The following TM7SF3 variants were observed in gnomAD, a reference collection of about 807,000 sequenced individuals.
TM7SF3 encodes transmembrane 7 superfamily member 3.
Under a neutral mutation model 65.5 loss-of-function variants are expected in TM7SF3, and 60 were observed. The ratio of observed to expected loss-of-function variants is 0.92; its 90% CI spans 0.74 to 1.14. The LOEUF is 1.14. Among genes scored for constraint, TM7SF3 ranks in the 50% most tolerant of loss-of-function variants. The pLI, the probability that TM7SF3 is intolerant of heterozygous loss-of-function variation, is 0.00. For missense variants in TM7SF3, 623 were observed against 684.8 expected (o/e 0.91, Z 1.01); for synonymous variants, 264 against 259.6 (o/e 1.02, Z -0.16).
chr12:26,997,438 T>C (rs1940643338), intron 3 of TM7SF3, among the ~76,000 whole-genome samples: 1 of 152,200 alleles, frequency 6.6e-6, no homozygotes, highest in African/African-American at 2.4e-5. Context: ...TATGGATCTT[T>C]ACCACACCAC....
At chr12:27,001,004 A>G (rs1940809229) in intron 2 of TM7SF3, among the ~76,000 whole-genome samples, 1 of 152,144 alleles carries the variant, frequency 6.6e-6, no homozygotes, top group Non-Finnish European at 1.5e-5. Context: ...AGGAAAAGGT[A>G]GCAGAGTAGT....
intron 1 of TM7SF3, among the ~76,000 whole-genome samples, chr12:27,003,881 A>C (rs1940931627): frequency 6.6e-6 from 1 of 152,200 alleles, no homozygotes; most frequent in Non-Finnish European, 1.5e-5. Flanking sequence ...CACGTTCCTT[A>C]AATCCCCTTA....
Position 26,973,902 on chromosome 12 carries a change from A to G in TM7SF3, c.*63T>C. The G allele has an allele frequency of 6.4e-7, 1 of 1,565,324 alleles. No individual in the cohort carries two copies. The highest frequency in any genetic ancestry group is 8.6e-7 in the Non-Finnish European group (1 of 1,160,184). ...ATCTCTTATTAGACTTGCACCAGAG[A>G]CTGTTGAACCACTCCAGGCATGAAC... is the stretch of plus-strand genomic sequence containing the variant. On this transcript the variant is annotated 3_prime_UTR_variant, in exon 12 of 12. Transcript: ENST00000343028.
intron 2 of TM7SF3, among the ~76,000 whole-genome samples, chr12:27,000,647 G>A (rs1284679252): frequency 6.6e-6 from 1 of 152,100 alleles, no homozygotes; most frequent in African/African-American, 2.4e-5. Context: ...TTTTAGTAGA[G>A]ACGAGGTTTC....
chr12:27,014,194 C>CG lies in TM7SF3; in HGVS notation c.-27dup, dbSNP rs920983013. The CG allele has an allele frequency of 2.6e-6, 4 of 1,550,158 alleles. No homozygotes were observed. In the African/African-American group the frequency reaches 5.5e-5, roughly 21 times the overall value. On this transcript the variant is annotated 5_prime_UTR_variant, in exon 1 of 12. Transcript: ENST00000343028. ...TGCTGCCTGGGCCGGGCTGGGCCCA[C>CG]GCCAGGGCTGGGGAGAGGTGCGGGC...
At chr12:26,974,431 CT>C (rs1379767721) in intron 11 of TM7SF3, among the ~76,000 whole-genome samples, 5 of 152,128 alleles carry the variant, frequency 3.3e-5, no homozygotes, top group Non-Finnish European at 1.5e-5. Context: ...TAGGAATTTT[CT>C]ATTACAGGCA....
chr12:27,004,671 A>G (rs11610228), intron 1 of TM7SF3, among the ~76,000 whole-genome samples: 34,518 of 152,082 alleles, frequency 0.23, 4,087 homozygotes, highest in East Asian at 0.46. Flanking sequence ...GCCAAAAAAA[A>G]GACACAAATA....
In TM7SF3 at chr12:26,995,386, C is replaced by G. The variant is rs1426992893; in HGVS notation, c.541G>C (p.Asp181His). Residue 181 changes from aspartate (D) to histidine (H), a missense_variant, in exon 5 of 12, where the codon GAC (aspartate) becomes CAC (histidine). Physicochemically the swap from Asp to His is moderately conservative, Grantham distance 81 (BLOSUM62 -1). Transcript: ENST00000343028. ...YARGVDPPPC[D>H]AGTDQDSRWR... is the part of the protein sequence containing the mutation. ...CTGGAGTCCTGGTCTGTCCCAGCGT[C>G]ACATGGTGGGGGATCTACGCCTCTA... The G allele has an allele frequency of 1.9e-6, 3 of 1,614,218 alleles. No individual in the cohort carries two copies. Among genetic ancestry groups the G allele is most frequent in the Non-Finnish European group, 2.5e-6 (3 of 1,180,034 alleles).
intron 3 of TM7SF3, 104 bp from the exon 4 acceptor site, chr12:26,996,966 G>T: frequency 8.3e-7 from 1 of 1,204,598 alleles, no homozygotes; most frequent in South Asian, 1.6e-5. Context: ...TTCCCAAATA[G>T]AAGTTAAATA....
chr12:26,995,879 A>G (rs1218638944), intron 4 of TM7SF3, among the ~76,000 whole-genome samples: 2 of 152,198 alleles, frequency 1.3e-5, no homozygotes, highest in Admixed American at 6.5e-5. Context: ...AGAAGTTTAT[A>G]AGCCACCCAG....
intron 1 of TM7SF3, among the ~76,000 whole-genome samples, chr12:27,012,032 T>TA (rs964953607): frequency 4.0e-4 from 61 of 152,330 alleles, no homozygotes; most frequent in African/African-American, 1.4e-3. Context: ...CTTCACCTGT[T>TA]AAAATAGAGA....
chr12:27,003,178 A>T, intron 2 of TM7SF3, 58 bp downstream of exon 2: 1 of 1,282,790 alleles, frequency 7.8e-7, no homozygotes, highest in Admixed American at 2.2e-5. Context: ...GCTCATACTA[A>T]ATACCAGACC....
intron 1 of TM7SF3, among the ~76,000 whole-genome samples, chr12:27,011,422 G>A (rs1014309629): frequency 1.3e-5 from 2 of 152,212 alleles, no homozygotes; most frequent in Non-Finnish European, 2.9e-5. Context: ...TCCATCTCAT[G>A]TGCCTACTGG....
intron 1 of TM7SF3, among the ~76,000 whole-genome samples, chr12:27,009,437 A>AT (rs1941163616): frequency 6.6e-6 from 1 of 152,230 alleles, no homozygotes; most frequent in African/African-American, 2.4e-5. Context: ...CAATTTATCT[A>AT]AAGAATGTTG....
At chr12:26,999,332 G>A (rs1940732482) in intron 3 of TM7SF3, among the ~76,000 whole-genome samples, 194 bp downstream of exon 3, 1 of 151,854 alleles carries the variant, frequency 6.6e-6, no homozygotes, top group Admixed American at 6.6e-5. Flanking sequence ...GGAGGCAGAG[G>A]TTGCAGTGAG....
intron 1 of TM7SF3, among the ~76,000 whole-genome samples, chr12:27,007,041 C>T (rs1171887486): frequency 1.3e-5 from 2 of 152,132 alleles, no homozygotes; most frequent in African/African-American, 4.8e-5. Context: ...TTAAACTGTA[C>T]CTAAAAAGTC....
chr12:26,977,312 AT>A (rs1177779540), intron 9 of TM7SF3, among the ~76,000 whole-genome samples: 4 of 152,256 alleles, frequency 2.6e-5, no homozygotes, highest in African/African-American at 9.6e-5. Flanking sequence ...AAATCTAAGT[AT>A]TGAAAATAGT....
intron 6 of TM7SF3, chr12:26,983,664 G>A (rs1939916652): frequency 2.6e-6 from 1 of 380,518 alleles, no homozygotes; most frequent in Non-Finnish European, 5.4e-6. Context: ...GAGGCTCGCT[G>A]AAGTTTTTCA....
chr12:26,992,047 C>G (rs1940390911), intron 5 of TM7SF3, among the ~76,000 whole-genome samples: 1 of 152,046 alleles, frequency 6.6e-6, no homozygotes, highest in African/African-American at 2.4e-5. Context: ...ATGCAAACAC[C>G]TACCACACTC....
Sources: gnomAD v4.1 joint callset for allele counts (sites outside exome capture counted in the v4.1 genomes callset) on GRCh38, gnomAD v4.1.1 for gene constraint, MANE v1.5 for transcripts, NCBI Gene and HGNC (gene_info 2026-07-23, HGNC 2026-07-21) for gene names.